Variants in CHD1L observed in about 807,000 individuals in gnomAD.
CHD1L encodes ATP-dependent chromatin remodeler CHD1L.
CHD1L carries 118 observed loss-of-function variants against 115.9 expected under a neutral mutation model. That is an observed-to-expected ratio of 1.02 (90% CI 0.88 to 1.19). The LOEUF is 1.19. CHD1L is among the 50% of genes most tolerant of loss of function. CHD1L has a pLI of 0.00. For missense variants in CHD1L, 1,179 were observed against 1,065.3 expected, an observed-to-expected ratio of 1.11 and a Z score of -1.49; for synonymous variants, 411 against 387.1, an observed-to-expected ratio of 1.06 and a Z score of -0.72.
intron 6 of CHD1L, chr1:147,260,566 A>G (rs1553943500): frequency 6.6e-6 from 1 of 152,192 alleles, no homozygotes; most frequent in Admixed American, 6.5e-5. Flanking sequence ...TCTTTTGATT[A>G]TCTTCAAAGG....
chr1:147,238,146 A>G (rs1664644736), upstream of CHD1L, among the ~76,000 whole-genome samples: 1 of 152,164 alleles, frequency 6.6e-6, no homozygotes. Context: ...ACAGTTTTTC[A>G]TTTCTTGCAA....
At chr1:147,208,885 T>A in the CHD1L span, 1 of 1,614,148 alleles carries the variant, frequency 6.2e-7, no homozygotes, top group Non-Finnish European at 8.5e-7. Flanking sequence ...CATTTCATGG[T>A]CAAACCTTTG....
At chr1:147,293,574 G>A in intron 20 of CHD1L, 34 bp from the exon 21 acceptor site, 1 of 1,580,338 alleles carries the variant, frequency 6.3e-7, no homozygotes, top group Non-Finnish European at 8.7e-7. Context: ...GCTGTTTCAT[G>A]TTGGGTTGGT....
intron 2 of CHD1L, among the ~76,000 whole-genome samples, chr1:147,254,403 AG>A (rs1669374132): frequency 6.6e-6 from 1 of 152,154 alleles, no homozygotes; most frequent in Non-Finnish European, 1.5e-5. Flanking sequence ...GGAAGGTGGG[AG>A]GAAGTGAGGG....
At chr1:147,241,780 G>C (rs1664917344), upstream of CHD1L, among the ~76,000 whole-genome samples, 1 of 152,104 alleles carries the variant, frequency 6.6e-6, no homozygotes, top group Non-Finnish European at 1.5e-5. Flanking sequence ...TACTGAAGAA[G>C]GAAGCACCAA....
chr1:147,190,078 C>A, the CHD1L span: 17 of 760,622 alleles, frequency 2.2e-5, no homozygotes, highest in Non-Finnish European at 3.6e-5. Context: ...GAATCTAAAT[C>A]CTTAAGCTAA....
intron 5 of CHD1L, chr1:147,259,179 A>G (rs1397831755): frequency 6.6e-6 from 1 of 152,170 alleles, no homozygotes; most frequent in Non-Finnish European, 1.5e-5. Flanking sequence ...ATTTGCTTTT[A>G]TGACTGAAAC....
chr1:147,244,485 A>G (rs587710107), intron 1 of CHD1L, among the ~76,000 whole-genome samples: 1 of 830 alleles, frequency 1.2e-3, no homozygotes, highest in East Asian at 0.038. Flanking sequence ...AATTCTTACT[A>G]CTTTTTTTTC....
At chr1:147,268,060 CT>C (rs1227001116) in intron 9 of CHD1L, among the ~76,000 whole-genome samples, 1 of 152,204 alleles carries the variant, frequency 6.6e-6, no homozygotes, top group Non-Finnish European at 1.5e-5. Context: ...CAGCTAATCA[CT>C]TCTTTCTTGA....
chr1:147,281,805 ATATT>A (rs201301607), intron 15 of CHD1L, among the ~76,000 whole-genome samples: 56 of 151,624 alleles, frequency 3.7e-4, no homozygotes, highest in African/African-American at 8.5e-4. Context: ...AAATATATAT[ATATT>A]TATTTATTTA....
intron 3 of CHD1L, among the ~76,000 whole-genome samples, chr1:147,255,184 A>G (rs1337397486): frequency 6.6e-6 from 1 of 152,204 alleles, no homozygotes; most frequent in African/African-American, 2.4e-5. Context: ...AAGGTCAGCA[A>G]TCGTTTGTAG....
chr1:147,208,508 C>T, the CHD1L span: 4 of 165,152 alleles, frequency 2.4e-5, no homozygotes, highest in Non-Finnish European at 3.8e-5. Context: ...GGTGCAATCT[C>T]AGCTCACTGC....
chr1:147,253,994 A>G (rs1226969388), intron 2 of CHD1L, among the ~76,000 whole-genome samples: 1 of 152,168 alleles, frequency 6.6e-6, no homozygotes, highest in African/African-American at 2.4e-5. Context: ...TTTAATCTTG[A>G]TAGGAACATC....
chr1:147,286,689 A>G (rs1553966267), intron 18 of CHD1L, among the ~76,000 whole-genome samples, 189 bp downstream of exon 18: 1 of 152,206 alleles, frequency 6.6e-6, no homozygotes, highest in African/African-American at 2.4e-5. Context: ...TACCTGGTTT[A>G]GTTACCCAAC....
At chr1:147,275,251 G>A in intron 12 of CHD1L, 103 bp from the exon 13 acceptor site, 1 of 819,106 alleles carries the variant, frequency 1.2e-6, no homozygotes, top group East Asian at 2.5e-5. Flanking sequence ...CAATTGTTTT[G>A]ACTGATTTCA....
At chr1:147,288,696 G>A (rs1389164397) in intron 19 of CHD1L, among the ~76,000 whole-genome samples, 1 of 152,052 alleles carries the variant, frequency 6.6e-6, no homozygotes, top group Non-Finnish European at 1.5e-5. Context: ...AGACCTATGG[G>A]AGAGAAATTG....
In CHD1L at chr1:147,285,313, T is replaced by C. The variant is rs1191903681; in HGVS notation, c.1855-11T>C. On this transcript the variant is annotated splice_polypyrimidine_tract_variant and intron_variant, in intron 16 of 22. Transcript: ENST00000369258. ...TCTTGACCCTGGTGATGGATCTTGT[T>C]CTTCCTCTAGGTTCTCATCCCAGGC... is the stretch of plus-strand genomic sequence containing the variant. 6.2e-7 allele frequency: 1 copy of C among 1,605,696 alleles called. No homozygotes were observed. The highest frequency in any genetic ancestry group is 1.7e-5 in the Admixed American group (1 of 57,662).
chr1:147,295,114 C>T (rs1687052961), intron 22 of CHD1L, among the ~76,000 whole-genome samples: 1 of 152,176 alleles, frequency 6.6e-6, no homozygotes. Flanking sequence ...GTGCTATAAT[C>T]ACACAGAAAC....
chr1:147,289,023 T>C (rs1489654680), intron 19 of CHD1L, among the ~76,000 whole-genome samples: 2 of 152,216 alleles, frequency 1.3e-5, no homozygotes, highest in Non-Finnish European at 2.9e-5. Context: ...TTCCTAATTC[T>C]GCCCAGTTCT....
Sources: gnomAD v4.1 joint callset for allele counts (sites outside exome capture counted in the v4.1 genomes callset) on GRCh38, gnomAD v4.1.1 for gene constraint, MANE v1.5 for transcripts, NCBI Gene and HGNC (gene_info 2026-07-23, HGNC 2026-07-21) for gene names.